Variants in KLHL6 observed in about 807,000 individuals in gnomAD.
KLHL6 encodes the protein kelch like family member 6, also known as kelch-like protein 6.
In KLHL6, 41 loss-of-function variants were observed where a neutral mutation model predicts 58.6. The observed-to-expected ratio is 0.70, with a 90% confidence interval of 0.55 to 0.91. The LOEUF (loss-of-function observed/expected upper bound fraction) is 0.91. KLHL6 is among the 40% of genes least tolerant of loss of function. The pLI is 0.00. For synonymous variants in KLHL6, 338 were observed against 322.7 expected, an observed-to-expected ratio of 1.05 and a Z score of -0.51; for missense variants, 714 against 805.6, an observed-to-expected ratio of 0.89 and a Z score of 1.38.
rs529350200 is a variant in KLHL6, at chr3:183,514,101, C to T, written c.460-5593G>A. ...CTATTAATATTATGTAGGAGGCTCCCAACTAGTGCTGGGTGTACAGAGGTG... is the reference window on the plus strand; with the variant it reads ...CTATTAATATTATGTAGGAGGCTCCTAACTAGTGCTGGGTGTACAGAGGTG... On this transcript the variant is annotated intron_variant, in intron 2 of 6. Coordinates refer to ENST00000341319, the MANE Select transcript of KLHL6 (RefSeq NM_130446.4). Among the ~76,000 whole-genome samples, 166 of 152,314 alleles carry T rather than the reference C, an allele frequency of 1.1e-3. 2 individuals are homozygous for T. The South Asian group carries it at 0.013, about 12-fold the overall frequency.
intron 3 of KLHL6, among the ~76,000 whole-genome samples, chr3:183,506,832 A>ATAAG (rs1420983344): frequency 2.3e-3 from 94 of 40,982 alleles, no homozygotes; most frequent in Non-Finnish European, 3.6e-3. Context: ...CCTCTCAAAA[A>ATAAG]TAAATAAATA....
At chr3:183,522,906 C>T (rs937790777) in intron 2 of KLHL6, 4 of 152,182 alleles carry the variant, frequency 2.6e-5, no homozygotes, top group Non-Finnish European at 5.9e-5. Flanking sequence ...ACTTCCGCCT[C>T]CTAGGTTCAA....
rs1713094898 is a variant in KLHL6, at chr3:183,555,583, A to C, written c.71T>G (p.Leu24Arg). Residue 24 changes from leucine to arginine, a missense_variant, in exon 1 of 7, where the codon CTG (leucine) becomes CGG (arginine). Physicochemically the swap from Leu to Arg is moderately radical, Grantham distance 102 (BLOSUM62 -2). Transcript: ENST00000341319. Reference protein sequence around the residue: ...DVVEKSLEGPLAPSTDEPSQK... With the variant: ...DVVEKSLEGPRAPSTDEPSQK... ...GGAGGGCTCATCTGTAGAAGGTGCC[A>C]GGGGCCCTTCCAAACTCTTCTCGAC... 1 of 1,614,062 alleles carries C rather than the reference A, an allele frequency of 6.2e-7. No homozygotes were observed. Among genetic ancestry groups the C allele is most frequent in the Non-Finnish European group, 8.5e-7 (1 of 1,179,994 alleles).
intron 2 of KLHL6, among the ~76,000 whole-genome samples, chr3:183,513,388 T>C (rs1432764146): frequency 6.6e-6 from 1 of 152,238 alleles, no homozygotes; most frequent in Non-Finnish European, 1.5e-5. Context: ...ATGCATGTTT[T>C]TTATACTATT....
rs752049661 is a variant in KLHL6, at chr3:183,555,449, T to C, written c.205A>G (p.Asn69Asp). ...CACAAGATGACATCTGTCAGAGCGT[T>C]TTCCATTCGCAGGGTTTCCAGGCCA... is the stretch of plus-strand genomic sequence containing the variant. ...QNGLETLRME[N>D]ALTDVILCVD... Residue 69 changes from asparagine to aspartate, a missense_variant, in exon 1 of 7, where the codon AAC (asparagine) becomes GAC (aspartate). Around this residue, in one of 2 missense-constraint regions of KLHL6, gnomAD observed 204 missense variants for 175.9 expected, o/e 1.16. Coordinates refer to ENST00000341319, the MANE Select transcript of KLHL6 (RefSeq NM_130446.4). The C allele has an allele frequency of 6.2e-7, 1 of 1,614,070 alleles. No individual in the cohort carries two copies. Among genetic ancestry groups the C allele is most frequent in the Non-Finnish European group, 8.5e-7 (1 of 1,180,014 alleles).
At chr3:183,507,451 A>T (rs1183536256) in intron 3 of KLHL6, among the ~76,000 whole-genome samples, 1 of 151,760 alleles carries the variant, frequency 6.6e-6, no homozygotes, top group Non-Finnish European at 1.5e-5. Context: ...TTGCTTTTTG[A>T]GACAGAGTCT....
Position 183,531,441 on chromosome 3 carries a change from G to GTATTTTTTTTTTTTTTTTTTTTTTTTTT in KLHL6, c.294-3432_294-3431insAAAAAAAAAAAAAAAAAAAAAAAAAATA, listed in dbSNP as rs1367673441. On this transcript the variant is annotated intron_variant, in intron 1 of 6. Coordinates refer to ENST00000341319, the MANE Select transcript of KLHL6 (RefSeq NM_130446.4). ...CCTTCTTTCTGTTCTTTTTTTGTCT[G>GTATTTTTTTTTTTTTTTTTTTTTTTTTT]TGTTTTTTTTTTTTTTTTTTTTTTT... Among the ~76,000 whole-genome samples, 2 of 102,100 alleles carry GTATTTTTTTTTTTTTTTTTTTTTTTTTT rather than the reference G, an allele frequency of 2.0e-5. 1 individual carries two copies. 67.0% of individuals were successfully genotyped at this position (102,100 alleles called of 152,430 possible).
Position 183,492,422 on chromosome 3 carries a change from A to G in KLHL6, c.1564+72T>C. ...GCCAGCGCTGGAGACACCGCGACACACCGTTTACGTGCTGCAGCCAGGCGC... is the reference window on the plus strand; with the variant it reads ...GCCAGCGCTGGAGACACCGCGACACGCCGTTTACGTGCTGCAGCCAGGCGC... On this transcript the variant is annotated intron_variant, in intron 6 of 6. Coordinates refer to ENST00000341319, the MANE Select transcript of KLHL6 (RefSeq NM_130446.4). This position sits in a 1 kb window ranked among gnomAD's most constrained non-coding sequence, Gnocchi z 5.9. 1 of 1,540,240 alleles carries G rather than the reference A, an allele frequency of 6.5e-7. No homozygotes were observed. The highest frequency in any genetic ancestry group is 8.9e-7 in the Non-Finnish European group (1 of 1,119,212).
intron 2 of KLHL6, among the ~76,000 whole-genome samples, chr3:183,523,936 T>C (rs1711857469): frequency 6.6e-6 from 1 of 152,096 alleles, no homozygotes. Context: ...ATTTTTTGTA[T>C]GTTTAATAGA....
chr3:183,543,041 C>T lies in KLHL6; in HGVS notation c.293+12320G>A, dbSNP rs1446880012. On this transcript the variant is annotated intron_variant, in intron 1 of 6. Coordinates refer to ENST00000341319, the MANE Select transcript of KLHL6 (RefSeq NM_130446.4). ...GGTGAGGTGGCTCAAGCCTGTAATC[C>T]CAGCACTTTGGGAGGCTGAGGCGGG... Among the ~76,000 whole-genome samples the T allele has an allele frequency of 3.3e-5, 5 of 152,152 alleles. No homozygotes were observed. The East Asian group carries it at 7.7e-4, about 23-fold the overall frequency.
chr3:183,501,846 A>G (rs1717873758), intron 3 of KLHL6, among the ~76,000 whole-genome samples: 1 of 152,132 alleles, frequency 6.6e-6, no homozygotes, highest in Non-Finnish European at 1.5e-5. Flanking sequence ...ACATTCTCAT[A>G]ACCCTGAATT....
chr3:183,539,963 A>G (rs926396451), intron 1 of KLHL6, among the ~76,000 whole-genome samples: 3 of 152,150 alleles, frequency 2.0e-5, no homozygotes, highest in Non-Finnish European at 1.5e-5. Flanking sequence ...ATCAATTACA[A>G]CATATACTTG....
chr3:183,530,518 C>T (rs941941538), intron 1 of KLHL6, among the ~76,000 whole-genome samples: 6 of 152,156 alleles, frequency 3.9e-5, no homozygotes, highest in Non-Finnish European at 5.9e-5. Context: ...GTTCCTCCTA[C>T]TGCATGTAGT....
chr3:183,520,462 CCAGGGGACCGGCGCT>C (rs1205881412), intron 2 of KLHL6: 1 of 151,458 alleles, frequency 6.6e-6, no homozygotes, highest in Non-Finnish European at 1.5e-5. Flanking sequence ...AACAGTGGGC[CCAGGGGACCGGCGCT>C]CAGCATACGG....
At chr3:183,498,554 T>A (rs61329473) in intron 4 of KLHL6, among the ~76,000 whole-genome samples, 10,812 of 152,260 alleles carry the variant, frequency 0.071, 1,062 homozygotes, top group East Asian at 0.21. Context: ...TATGTCTGAG[T>A]ATCTCTCTGA....
chr3:183,549,123 C>T (rs530996027), intron 1 of KLHL6, among the ~76,000 whole-genome samples: 21 of 152,114 alleles, frequency 1.4e-4, no homozygotes, highest in Admixed American at 1.0e-3. Context: ...GTAACAAACC[C>T]GCGCATTCTG....
In KLHL6 at chr3:183,544,749, AACACACACAC is replaced by A. The variant is rs36060782; in HGVS notation, c.293+10602_293+10611del. 2.5e-3 allele frequency: 288 copies of A among 114,800 alleles called. 1 individual carries two copies. Among genetic ancestry groups the A allele is most frequent in the East Asian group, 0.012 (49 of 3,940 alleles). The allele number at this position is 114,800 out of a possible 1,614,324, so 7.1% of individuals were successfully genotyped here. On this transcript the variant is annotated intron_variant, in intron 1 of 6. Transcript: ENST00000341319. Reference sequence around the variant, plus strand: ...CTTCTGTCTCTCTCTCTGTCTCTCAAACACACACACACACACACACACACACACACACACA... The same window carrying A: ...CTTCTGTCTCTCTCTCTGTCTCTCAAACACACACACACACACACACACACA...
At chr3:183,519,477 G>A (rs1202143520) in intron 2 of KLHL6, among the ~76,000 whole-genome samples, 1 of 152,054 alleles carries the variant, frequency 6.6e-6, no homozygotes, top group Non-Finnish European at 1.5e-5. Flanking sequence ...AATGTTTCCT[G>A]GAACTATATA....
chr3:183,550,641 AC>A (rs1417167425), intron 1 of KLHL6, among the ~76,000 whole-genome samples: 1 of 151,900 alleles, frequency 6.6e-6, no homozygotes, highest in African/African-American at 2.4e-5. Flanking sequence ...CTAAAAAAAT[AC>A]AAAAATTAGC....
Sources: gnomAD v4.1 joint callset for allele counts (sites outside exome capture counted in the v4.1 genomes callset) on GRCh38, gnomAD v4.1.1 for gene constraint, gnomAD v4.1.1 regional missense constraint, Gnocchi (gnomAD v3.1) non-coding constraint, MANE v1.5 for transcripts, NCBI Gene and HGNC (gene_info 2026-07-23, HGNC 2026-07-21) for gene names.